Variants in PTPRD observed in about 807,000 individuals in gnomAD.
PTPRD encodes receptor-type tyrosine-protein phosphatase delta.
PTPRD carries 34 observed loss-of-function variants against 214.5 expected under a neutral mutation model. The observed-to-expected ratio is 0.16, with a 90% CI of 0.12 to 0.21. The LOEUF (loss-of-function observed/expected upper bound fraction) is 0.21. Ranked by LOEUF, PTPRD falls within the 10% of genes least tolerant of loss-of-function variation. The pLI, the probability that PTPRD is intolerant of heterozygous loss-of-function variation, is 1.00. For missense variants in PTPRD, 2,545 were observed against 2,398.7 expected (o/e 1.06, Z -1.27); for synonymous variants, 1,128 against 845.7 (o/e 1.33, Z -5.79).
At chr9:9,427,446 G>A (rs1486490552) in intron 8 of PTPRD, among the ~76,000 whole-genome samples, 1 of 152,122 alleles carries the variant, frequency 6.6e-6, no homozygotes, top group African/African-American at 2.4e-5. Context: ...ATTGGTGTAC[G>A]TAAAAGTGAC....
At chr9:8,507,149 G>A in intron 22 of PTPRD, 152 bp downstream of exon 22, 1 of 788,834 alleles carries the variant, frequency 1.3e-6, no homozygotes, top group Non-Finnish European at 1.8e-6. Flanking sequence ...TCTTGGGGGG[G>A]AGGGGGAGTC....
chr9:8,579,753 A>G (rs931056098), intron 14 of PTPRD, among the ~76,000 whole-genome samples: 4 of 152,222 alleles, frequency 2.6e-5, no homozygotes, highest in South Asian at 2.1e-4. Context: ...CAGGTGTTGT[A>G]AACAGAGACC....
At chr9:10,005,016 C>T (rs1260685850) in intron 4 of PTPRD, among the ~76,000 whole-genome samples, 1 of 152,090 alleles carries the variant, frequency 6.6e-6, no homozygotes, top group Non-Finnish European at 1.5e-5. Context: ...AATGGAAAAA[C>T]TTTACTTTTC....
At chr9:9,190,351 G>A (rs2099934347) in intron 9 of PTPRD, among the ~76,000 whole-genome samples, 1 of 151,956 alleles carries the variant, frequency 6.6e-6, no homozygotes, top group African/African-American at 2.4e-5. Context: ...TGAATCATGG[G>A]GCCAGTATTT....
chr9:10,226,035 C>T (rs1159414811), intron 3 of PTPRD, among the ~76,000 whole-genome samples: 1 of 152,010 alleles, frequency 6.6e-6, no homozygotes, highest in East Asian at 1.9e-4. Context: ...CCATTCAAGG[C>T]CTGCTACATA....
At chr9:10,315,778 G>C (rs2096405476) in intron 3 of PTPRD, among the ~76,000 whole-genome samples, 1 of 151,888 alleles carries the variant, frequency 6.6e-6, no homozygotes, top group South Asian at 2.1e-4. Context: ...ACCTTCCTTT[G>C]GCAGCCTCTA....
chr9:10,488,035 G>T, intron 2 of PTPRD, among the ~76,000 whole-genome samples: 1 of 145,074 alleles, frequency 6.9e-6, no homozygotes, highest in African/African-American at 2.6e-5. Context: ...GCTGGGGGGT[G>T]GTGTGACACA....
At chr9:9,612,312 T>A (rs1422392940) in intron 7 of PTPRD, among the ~76,000 whole-genome samples, 1 of 152,114 alleles carries the variant, frequency 6.6e-6, no homozygotes, top group African/African-American at 2.4e-5. Context: ...TGAGTATGCT[T>A]ACTGTTCACA....
intron 4 of PTPRD, among the ~76,000 whole-genome samples, chr9:9,962,804 G>T (rs1431274315): frequency 2.6e-5 from 4 of 151,922 alleles, no homozygotes; most frequent in Admixed American, 1.3e-4. Flanking sequence ...AATCTTAGCA[G>T]AAATATAAGA....
intron 14 of PTPRD, among the ~76,000 whole-genome samples, chr9:8,618,097 C>T (rs1024575248): frequency 6.6e-6 from 1 of 152,118 alleles, no homozygotes; most frequent in Non-Finnish European, 1.5e-5. Flanking sequence ...TTTCCGCAGT[C>T]TTAATTTGCA....
At chr9:10,007,898 C>T (rs886239869) in intron 4 of PTPRD, among the ~76,000 whole-genome samples, 2 of 151,868 alleles carry the variant, frequency 1.3e-5, no homozygotes, top group African/African-American at 4.8e-5. Flanking sequence ...CTATTAAGAT[C>T]AATGCCATGT....
intron 10 of PTPRD, among the ~76,000 whole-genome samples, chr9:9,055,352 A>C (rs1272014277): frequency 6.6e-6 from 1 of 152,210 alleles, no homozygotes; most frequent in African/African-American, 2.4e-5. Flanking sequence ...TTAATTAGTT[A>C]GATTTAGTCA....
At chr9:9,016,698 C>A (rs1490895901) in intron 11 of PTPRD, among the ~76,000 whole-genome samples, 1 of 152,120 alleles carries the variant, frequency 6.6e-6, no homozygotes, top group African/African-American at 2.4e-5. Context: ...ATCACAAGTA[C>A]AAACAACTGT....
intron 11 of PTPRD, among the ~76,000 whole-genome samples, chr9:8,974,159 T>C (rs1218228585): frequency 6.6e-6 from 1 of 152,108 alleles, no homozygotes; most frequent in Non-Finnish European, 1.5e-5. Context: ...TAGGTTTTCC[T>C]TTAGGATTTT....
At chr9:8,776,542 C>A (rs1408605122) in intron 11 of PTPRD, among the ~76,000 whole-genome samples, 1 of 150,698 alleles carries the variant, frequency 6.6e-6, no homozygotes, top group Non-Finnish European at 1.5e-5. Context: ...AAGCGATCTG[C>A]CGGCCTCCCA....
At chr9:9,845,096 ATATATACTGC>A (rs2059214802) in intron 5 of PTPRD, among the ~76,000 whole-genome samples, 1 of 122,890 alleles carries the variant, frequency 8.1e-6, no homozygotes, top group African/African-American at 2.9e-5. Context: ...ATATAGCTAT[ATATATACTGC>A]TATATATATT....
intron 39 of PTPRD, among the ~76,000 whole-genome samples, chr9:8,357,604 G>A (rs561429922): frequency 6.6e-6 from 1 of 152,128 alleles, no homozygotes; most frequent in East Asian, 1.9e-4. Flanking sequence ...AGAACAAACT[G>A]CTCCTTAGTA....
At chr9:10,201,773 C>T (rs1211049119) in intron 3 of PTPRD, among the ~76,000 whole-genome samples, 1 of 151,804 alleles carries the variant, frequency 6.6e-6, no homozygotes, top group Non-Finnish European at 1.5e-5. Flanking sequence ...TGAATGTATG[C>T]GATTATGATT....
chr9:10,605,088 T>C (rs867135039), intron 2 of PTPRD, among the ~76,000 whole-genome samples: 2 of 151,872 alleles, frequency 1.3e-5, no homozygotes, highest in Non-Finnish European at 2.9e-5. Context: ...ACAATCCCAC[T>C]ACATTTCTAA....
Sources: gnomAD v4.1 joint callset for allele counts (sites outside exome capture counted in the v4.1 genomes callset) on GRCh38, gnomAD v4.1.1 for gene constraint, MANE v1.5 for transcripts, NCBI Gene and HGNC (gene_info 2026-07-23, HGNC 2026-07-21) for gene names.